Variants in CACNB2 observed in about 807,000 individuals in gnomAD.
CACNB2 encodes the protein voltage-dependent L-type calcium channel subunit beta-2.
Under a neutral mutation model 73.3 loss-of-function variants are expected in CACNB2, and 42 were observed. The ratio of observed to expected loss-of-function variants is 0.57; its 90% CI spans 0.45 to 0.74. The LOEUF is 0.74. Among genes scored for constraint, CACNB2 ranks in the 30% least tolerant of loss-of-function variants. The pLI is 0.00. For missense variants in CACNB2, 940 were observed against 853.0 expected, an observed-to-expected ratio of 1.10 and a Z score of -1.27; for synonymous variants, 348 against 310.3, an observed-to-expected ratio of 1.12 and a Z score of -1.28.
chr10:18,344,732 T>C (rs1016528478), intron 2 of CACNB2, among the ~76,000 whole-genome samples: 4 of 152,154 alleles, frequency 2.6e-5, no homozygotes, highest in African/African-American at 9.7e-5. Context: ...CAGTGGCTCA[T>C]GCCTGAACGA....
intron 2 of CACNB2, among the ~76,000 whole-genome samples, chr10:18,240,383 G>A (rs192906480): frequency 5.6e-4 from 86 of 152,274 alleles, no homozygotes; most frequent in Non-Finnish European, 1.1e-3. Flanking sequence ...GTTCCAAGCA[G>A]CGTGGTATGT....
At chr10:18,193,138 G>A (rs1365653069) in intron 2 of CACNB2, among the ~76,000 whole-genome samples, 1 of 152,082 alleles carries the variant, frequency 6.6e-6, no homozygotes, top group African/African-American at 2.4e-5. Flanking sequence ...AGGGTAATTA[G>A]CATATCCATC....
rs371134499 is a variant in CACNB2, at chr10:18,539,218, T to G, written c.1489-12T>G. On this transcript the variant is annotated splice_polypyrimidine_tract_variant and intron_variant, in intron 13 of 13. Transcript: ENST00000324631. ...CCTTGGTTAACGCCTGGTGTGCTCCTTTCGCTGCCAGGGTTCTCAAGGTGA... is the reference window on the plus strand; with the variant it reads ...CCTTGGTTAACGCCTGGTGTGCTCCGTTCGCTGCCAGGGTTCTCAAGGTGA... 13 of 1,614,028 alleles carry G rather than the reference T, an allele frequency of 8.1e-6. No individual in the cohort carries two copies. The highest frequency in any genetic ancestry group is 3.3e-4 in the Middle Eastern group (2 of 6,036).
At chr10:18,167,146 C>A (rs938980562) in intron 2 of CACNB2, among the ~76,000 whole-genome samples, 1 of 152,160 alleles carries the variant, frequency 6.6e-6, no homozygotes, top group Non-Finnish European at 1.5e-5. Flanking sequence ...TCTTTCACAG[C>A]GACATGAGTG....
intron 3 of CACNB2, among the ~76,000 whole-genome samples, chr10:18,405,951 AAAACAAAC>A (rs74599200): frequency 3.6e-4 from 54 of 151,270 alleles, no homozygotes; most frequent in African/African-American, 1.0e-3. Flanking sequence ...GACTCTGTCA[AAAACAAAC>A]AAACAAACAA....
chr10:18,197,659 C>T (rs148662819), intron 2 of CACNB2, among the ~76,000 whole-genome samples: 13 of 152,222 alleles, frequency 8.5e-5, no homozygotes, highest in Middle Eastern at 3.4e-3. Flanking sequence ...GGCCACATGC[C>T]GGTTCCTGAA....
chr10:18,513,288 T>C (rs907162785), intron 6 of CACNB2: 3 of 160,518 alleles, frequency 1.9e-5, no homozygotes, highest in Non-Finnish European at 4.1e-5. Context: ...TTATTTTTGC[T>C]TGGCTCATGA....
At chr10:18,165,855 CTT>C (rs775474010) in intron 2 of CACNB2, among the ~76,000 whole-genome samples, 38 of 152,110 alleles carry the variant, frequency 2.5e-4, no homozygotes, top group Non-Finnish European at 5.3e-4. Flanking sequence ...TGCCACATGT[CTT>C]TTCATTTCCT....
At position 18,499,014 on chromosome 10, in the gene CACNB2, C is replaced by G. The variant is rs1357612390; in HGVS notation, c.456+537C>G. Among the ~76,000 whole-genome samples the G allele has an allele frequency of 2.6e-5, 4 of 152,150 alleles. No homozygotes were observed. In the East Asian group the frequency reaches 7.7e-4, roughly 29 times the overall value. On this transcript the variant is annotated intron_variant, in intron 4 of 13. Coordinates refer to ENST00000324631, the MANE Select transcript of CACNB2 (RefSeq NM_201596.3). ...TCAGGAAAAGTCCTTTTCCTACATG[C>G]TAAATGTCTCCACCTTCTAGTGAGC...
chr10:18,498,325 T>C (rs1344078416), intron 3 of CACNB2, 30 bp from the exon 4 acceptor site: 6 of 1,612,398 alleles, frequency 3.7e-6, no homozygotes, highest in Non-Finnish European at 5.1e-6. Flanking sequence ...TTTGCTCTTA[T>C]TTTTTTCCCT....
chr10:18,188,347 G>T (rs1282869179), intron 2 of CACNB2, among the ~76,000 whole-genome samples: 2 of 151,908 alleles, frequency 1.3e-5, no homozygotes, highest in Non-Finnish European at 2.9e-5. Context: ...GTCCCACTCT[G>T]TTGTGCAGGG....
intron 9 of CACNB2, among the ~76,000 whole-genome samples, chr10:18,520,967 C>T (rs560985234): frequency 7.5e-4 from 114 of 152,264 alleles, no homozygotes; most frequent in Non-Finnish European, 1.5e-3. Context: ...CATAATTAGA[C>T]GATAAACTCC....
At chr10:18,162,276 G>A (rs2032522809) in intron 2 of CACNB2, among the ~76,000 whole-genome samples, 1 of 152,026 alleles carries the variant, frequency 6.6e-6, no homozygotes, top group Non-Finnish European at 1.5e-5. Flanking sequence ...GAGAAATAAA[G>A]AGCCTCACTT....
At chr10:18,404,431 A>T (rs890829482) in intron 3 of CACNB2, among the ~76,000 whole-genome samples, 6 of 152,228 alleles carry the variant, frequency 3.9e-5, no homozygotes, top group African/African-American at 1.2e-4. Context: ...TCTTGCCTTA[A>T]TGAAACCTAC....
At chr10:18,237,015 A>G (rs1413850251) in intron 2 of CACNB2, among the ~76,000 whole-genome samples, 1 of 152,204 alleles carries the variant, frequency 6.6e-6, no homozygotes. Flanking sequence ...GGCAAGTGCA[A>G]ACATGGAAAA....
intron 1 of CACNB2, among the ~76,000 whole-genome samples, chr10:18,147,057 A>G (rs2031062265): frequency 6.6e-6 from 1 of 152,240 alleles, no homozygotes; most frequent in African/African-American, 2.4e-5. Context: ...CTTTGAGTGC[A>G]CGGCTAAAAT....
chr10:18,384,138 T>C (rs1422704136), intron 2 of CACNB2, among the ~76,000 whole-genome samples: 3 of 152,194 alleles, frequency 2.0e-5, no homozygotes, highest in African/African-American at 7.2e-5. Flanking sequence ...CCAAGGAACC[T>C]GTAGTCACTG....
At chr10:18,332,785 T>C (rs2040854230) in intron 2 of CACNB2, among the ~76,000 whole-genome samples, 1 of 152,244 alleles carries the variant, frequency 6.6e-6, no homozygotes, top group African/African-American at 2.4e-5. Flanking sequence ...TTATACATAA[T>C]ACATTGAATT....
At chr10:18,362,695 C>G (rs1312227559) in intron 2 of CACNB2, among the ~76,000 whole-genome samples, 2 of 152,196 alleles carry the variant, frequency 1.3e-5, no homozygotes, top group East Asian at 3.9e-4. Context: ...AATTCCAGCA[C>G]TTCGGGAGGT....
Sources: allele counts gnomAD v4.1 joint callset (sites outside exome capture counted in the v4.1 genomes callset), GRCh38; gene constraint gnomAD v4.1.1; transcripts MANE v1.5; gene names NCBI Gene and HGNC (gene_info 2026-07-23, HGNC 2026-07-21).